NPAS2: variants seen among roughly 807,000 people sequenced by gnomAD.
NPAS2 encodes the protein neuronal PAS domain-containing protein 2.
A neutral mutation model predicts 107.5 loss-of-function variants in NPAS2; 23 were observed. The ratio of observed to expected loss-of-function variants is 0.21; its 90% CI spans 0.15 to 0.30. The LOEUF (loss-of-function observed/expected upper bound fraction) is 0.30. Ranked by LOEUF, NPAS2 falls within the 10% of genes least tolerant of loss-of-function variation. The pLI, the probability that NPAS2 is intolerant of heterozygous loss-of-function variation, is 1.00. For synonymous variants in NPAS2, 403 were observed against 417.5 expected (o/e 0.97, Z 0.42); for missense variants, 756 against 1,043.3 (o/e 0.72, Z 3.79).
At chr2:100,848,137 C>G (rs994011051) in intron 1 of NPAS2, among the ~76,000 whole-genome samples, 1 of 152,106 alleles carries the variant, frequency 6.6e-6, no homozygotes, top group Non-Finnish European at 1.5e-5. Context: ...ATTGGGTGGG[C>G]CATTGTGATG....
chr2:100,922,379 C>T (rs542295503), intron 2 of NPAS2, among the ~76,000 whole-genome samples: 2 of 152,030 alleles, frequency 1.3e-5, no homozygotes, highest in Non-Finnish European at 1.5e-5. Flanking sequence ...GTCAGGAGTT[C>T]GAGACCAGCC....
chr2:100,851,477 C>T (rs760130035), intron 1 of NPAS2, among the ~76,000 whole-genome samples: 25 of 152,170 alleles, frequency 1.6e-4, no homozygotes, highest in Non-Finnish European at 2.4e-4. Flanking sequence ...GGACTCCTCC[C>T]AAGGGAGTAA....
intron 16 of NPAS2, chr2:100,983,587 C>G (rs1218121354): frequency 2.0e-5 from 3 of 152,624 alleles, no homozygotes; most frequent in Non-Finnish European, 4.4e-5. Flanking sequence ...CTGCTCCCCT[C>G]AAGACACGGC....
chr2:100,877,489 C>G (rs1183217350), intron 1 of NPAS2, among the ~76,000 whole-genome samples: 1 of 149,474 alleles, frequency 6.7e-6, no homozygotes, highest in African/African-American at 2.5e-5. Flanking sequence ...AATAAGAGAG[C>G]TTTCTGGAAG....
At chr2:100,839,285 T>C (rs1161525153) in intron 1 of NPAS2, among the ~76,000 whole-genome samples, 1 of 152,054 alleles carries the variant, frequency 6.6e-6, no homozygotes, top group Non-Finnish European at 1.5e-5. Context: ...CCTACCACCA[T>C]ACCCAGCTAA....
chr2:100,870,931 G>A (rs1487217492), intron 1 of NPAS2, among the ~76,000 whole-genome samples: 1 of 152,198 alleles, frequency 6.6e-6, no homozygotes, highest in African/African-American at 2.4e-5. Context: ...TGGCACCTTG[G>A]ACTTTGGACC....
intron 2 of NPAS2, among the ~76,000 whole-genome samples, chr2:100,920,325 T>G (rs1683140685): frequency 6.6e-6 from 1 of 152,074 alleles, no homozygotes; most frequent in Non-Finnish European, 1.5e-5. Context: ...CACAAATAAG[T>G]GAAGTGACTG....
Position 100,884,067 on chromosome 2 carries a change from C to T in NPAS2, c.-22-20666C>T, listed in dbSNP as rs371841773. Among the ~76,000 whole-genome samples the T allele has an allele frequency of 1.3e-3, 196 of 152,258 alleles. 2 individuals are homozygous for T. In the Middle Eastern group the frequency reaches 0.027, roughly 21 times the overall value. ...CTGTCCCTTAAATGCCCTCCAAAAC[C>T]GGGGGCAGGTGCTCGAGAGAACTTG... On this transcript the variant is annotated intron_variant, in intron 1 of 20. Transcript: ENST00000335681.
In NPAS2 at chr2:100,919,296, T is replaced by C. The variant is rs1278090337; in HGVS notation, c.33-5850T>C. ...TTGATGGTGATGACGGTTGCATACC[T>C]TTATACATGTGCTAAAACGTATAGA... On this transcript the variant is annotated intron_variant, in intron 2 of 20. Transcript: ENST00000335681. Among the ~76,000 whole-genome samples the C allele has an allele frequency of 2.6e-5, 4 of 152,222 alleles. No homozygotes were observed. The East Asian group carries it at 7.7e-4, about 29-fold the overall frequency.
intron 3 of NPAS2, among the ~76,000 whole-genome samples, chr2:100,927,687 G>C (rs1683670698): frequency 6.6e-6 from 1 of 152,182 alleles, no homozygotes; most frequent in Non-Finnish European, 1.5e-5. Context: ...TTAGTGTATA[G>C]TATTCCATCA....
upstream of NPAS2, among the ~76,000 whole-genome samples, chr2:100,819,951 G>C (rs1034503242): frequency 6.6e-6 from 1 of 151,882 alleles, no homozygotes; most frequent in Non-Finnish European, 1.5e-5. The surrounding 1 kb of genome is among the most constrained non-coding windows in gnomAD (Gnocchi z 5.8). Flanking sequence ...CCGGGGGTCC[G>C]TCTGCCTGCG....
rs968120545 is a variant in NPAS2, at chr2:100,963,961, G to C, written c.599-97G>C. The C allele has an allele frequency of 3.0e-5, 22 of 727,184 alleles. No individual in the cohort carries two copies. In the Admixed American group the frequency reaches 4.2e-4, roughly 14 times the overall value. The allele number at this position is 727,184 out of a possible 1,614,324, so 45.0% of individuals were successfully genotyped here. ...GTTAATATACTCTACATAAACCCTGGGGGCAGCGCTTGGCTTACAGTTAAG... is the reference window on the plus strand; with the variant it reads ...GTTAATATACTCTACATAAACCCTGCGGGCAGCGCTTGGCTTACAGTTAAG... On this transcript the variant is annotated intron_variant, in intron 7 of 20. Transcript: ENST00000335681.
rs953738092 is a variant in NPAS2 at position 100,968,518 on chromosome 2, T to G, written c.1055+90T>G. 3.9e-6 allele frequency: 5 copies of G among 1,270,798 alleles called. No homozygotes were observed. Among genetic ancestry groups the G allele is most frequent in the Middle Eastern group, 2.5e-4 (1 of 3,972 alleles). 78.7% of individuals were successfully genotyped at this position (1,270,798 alleles called of 1,614,324 possible). Reference sequence around the variant, plus strand: ...CGTGGCCCCTGATGGCCAAGTCAGATCAGCAGTCACTCAGGTGTTCCCCAT... The same window carrying G: ...CGTGGCCCCTGATGGCCAAGTCAGAGCAGCAGTCACTCAGGTGTTCCCCAT... On this transcript the variant is annotated intron_variant, in intron 11 of 20. Coordinates refer to ENST00000335681, the MANE Select transcript of NPAS2 (RefSeq NM_002518.4). This position sits in a 1 kb window ranked among gnomAD's most constrained non-coding sequence, Gnocchi z 5.3.
At chr2:100,855,019 A>T (rs971195383) in intron 1 of NPAS2, among the ~76,000 whole-genome samples, 2 of 152,210 alleles carry the variant, frequency 1.3e-5, no homozygotes, top group Non-Finnish European at 2.9e-5. Flanking sequence ...TTGAAATAAC[A>T]TTTTGTGTAT....
chr2:100,902,528 G>A (rs2104762181), intron 1 of NPAS2, among the ~76,000 whole-genome samples: 1 of 152,362 alleles, frequency 6.6e-6, no homozygotes, highest in East Asian at 1.9e-4. Context: ...GAGACAGAAA[G>A]TAGAAGGGCA....
At chr2:100,821,292 A>C (rs1676053146) in intron 1 of NPAS2, 13 of 1,095,222 alleles carry the variant, frequency 1.2e-5, no homozygotes, top group Admixed American at 2.6e-5. Context: ...ATACGCACGC[A>C]CTTCCACAAA....
intron 3 of NPAS2, among the ~76,000 whole-genome samples, chr2:100,930,543 A>G (rs535845714): frequency 1.3e-5 from 2 of 152,334 alleles, no homozygotes; most frequent in East Asian, 3.9e-4. Context: ...TGAAATTTGG[A>G]AACCACTTTT....
chr2:100,821,174 T>C (rs1292516436), intron 1 of NPAS2: 1 of 1,304,632 alleles, frequency 7.7e-7, no homozygotes, highest in Non-Finnish European at 1.0e-6. Context: ...CCCGCTCCTC[T>C]GCTTGCCACT....
chr2:100,893,326 C>T (rs1015486931), intron 1 of NPAS2, among the ~76,000 whole-genome samples: 10 of 152,218 alleles, frequency 6.6e-5, no homozygotes, highest in African/African-American at 2.4e-4. Flanking sequence ...AATAAACCCC[C>T]ATCAATTGGG....
Sources: allele counts gnomAD v4.1 joint callset (sites outside exome capture counted in the v4.1 genomes callset), GRCh38; gene constraint gnomAD v4.1.1; non-coding constraint Gnocchi (gnomAD v3.1); transcripts MANE v1.5; gene names NCBI Gene and HGNC (gene_info 2026-07-23, HGNC 2026-07-21).